Variants in PSMC1 observed in about 807,000 individuals in gnomAD.
The protein encoded by PSMC1 is proteasome 26S subunit, ATPase 1.
PSMC1 carries 5 observed loss-of-function variants against 49.8 expected under a neutral mutation model. The ratio of observed to expected loss-of-function variants is 0.10; its 90% confidence interval spans 0.05 to 0.21. The LOEUF (loss-of-function observed/expected upper bound fraction) is 0.21. PSMC1 is among the 10% of genes least tolerant of loss of function. The pLI, the probability that PSMC1 is intolerant of heterozygous loss-of-function variation, is 1.00. For synonymous variants in PSMC1, 155 were observed against 192.1 expected, an observed-to-expected ratio of 0.81 and a Z score of 1.60; for missense variants, 181 against 535.7, an observed-to-expected ratio of 0.34 and a Z score of 6.54.
At chr14:90,268,529 G>GGAAGGCCACGCACA in intron 8 of PSMC1, 116 bp downstream of exon 8, 5 of 984,494 alleles carry the variant, frequency 5.1e-6, no homozygotes, top group Non-Finnish European at 6.2e-6. Flanking sequence ...TGCTGTGCGT[G>GGAAGGCCACGCACA]GCCTTCCATG....
chr14:90,258,113 A>G (rs1319337731), intron 1 of PSMC1, among the ~76,000 whole-genome samples: 3 of 152,120 alleles, frequency 2.0e-5, no homozygotes, highest in African/African-American at 7.2e-5. Context: ...CATTCAGCAA[A>G]CCTGAATGTG....
At chr14:90,257,209 T>TTTGTTGTTG (rs34393448) in intron 1 of PSMC1, among the ~76,000 whole-genome samples, 4 of 151,644 alleles carry the variant, frequency 2.6e-5, no homozygotes, top group South Asian at 2.1e-4. Context: ...CACTTGGTGT[T>TTTGTTGTTG]TTGTTGTTGT....
intron 7 of PSMC1, among the ~76,000 whole-genome samples, chr14:90,266,280 C>T (rs565036013): frequency 6.6e-6 from 1 of 152,134 alleles, no homozygotes; most frequent in Non-Finnish European, 1.5e-5. Context: ...AAAACCCACC[C>T]TATTCTGCAG....
rs1491397403 is a variant in PSMC1 at position 90,274,838 on chromosome 14, A to ACACACACCCCCCCC, written c.*2432_*2433insACACACCCCCCCCC. On this transcript the variant is annotated 3_prime_UTR_variant, in exon 11 of 11. Coordinates refer to ENST00000261303, the MANE Select transcript of PSMC1 (RefSeq NM_002802.3). The stretch of plus-strand genomic sequence containing the variant: ...CACACACACACACACACACACACAC[A>ACACACACCCCCCCC]CCCCAATACATATGAATTGATCTGA... 8 of 67,182 alleles carry ACACACACCCCCCCC rather than the reference A, an allele frequency of 1.2e-4. No homozygotes were observed. Among genetic ancestry groups the ACACACACCCCCCCC allele is most frequent in the East Asian group, 3.4e-4 (1 of 2,966 alleles). The allele number at this position is 67,182 out of a possible 1,614,324, so 4.2% of individuals were successfully genotyped here. A position where few individuals can be genotyped will look rare whatever the true frequency, so the allele number is the denominator to read the frequency against.
chr14:90,270,718 C>T (rs573399430), intron 10 of PSMC1: 6 of 173,086 alleles, frequency 3.5e-5, no homozygotes, highest in African/African-American at 7.1e-5. Context: ...ACCAAGCACC[C>T]GCTGCATTCA....
chr14:90,268,379 T>C lies in PSMC1; in HGVS notation c.847T>C (p.Phe283Leu). 6.2e-7 allele frequency: 1 copy of C among 1,612,816 alleles called. No individual in the cohort carries two copies. The highest frequency in any genetic ancestry group is 8.5e-7 in the Non-Finnish European group (1 of 1,179,628). ...VAEEHAPSIV[F>L]IDEIDAIGTK... ...TGAAGAACATGCACCGTCCATCGTG[T>C]TTATTGATGAAATTGACGCCATTGG... is the stretch of plus-strand genomic sequence containing the variant. The change falls in exon 8 of 11, where the codon TTT becomes CTT. Residue 283 changes from phenylalanine to leucine, a missense_variant. Phe to Leu is a conservative substitution (Grantham distance 22). Coordinates refer to ENST00000261303, the MANE Select transcript of PSMC1 (RefSeq NM_002802.3).
intron 7 of PSMC1, among the ~76,000 whole-genome samples, chr14:90,266,516 G>T (rs1231771206): frequency 1.3e-5 from 2 of 152,208 alleles, no homozygotes; most frequent in African/African-American, 4.8e-5. Flanking sequence ...GTTTCAGAAT[G>T]GCCGGTGACT....
chr14:90,264,946 G>T (rs1325576803), intron 6 of PSMC1, 124 bp from the exon 7 acceptor site: 3 of 744,092 alleles, frequency 4.0e-6, no homozygotes, highest in African/African-American at 3.5e-5. Context: ...CAAGCACATT[G>T]TCTCTAAGAA....
chr14:90,257,314 A>G (rs1391065128), intron 1 of PSMC1, among the ~76,000 whole-genome samples: 1 of 152,150 alleles, frequency 6.6e-6, no homozygotes, highest in Non-Finnish European at 1.5e-5. Context: ...AAGGCAGACA[A>G]TCATCAGAAA....
intron 4 of PSMC1, 56 bp from the exon 5 acceptor site, chr14:90,263,606 G>A: frequency 6.4e-7 from 1 of 1,573,746 alleles, no homozygotes. Flanking sequence ...CGAACTATCA[G>A]GATCATCTAC....
At chr14:90,260,498 G>A (rs1183065864) in intron 3 of PSMC1, among the ~76,000 whole-genome samples, 2 of 152,170 alleles carry the variant, frequency 1.3e-5, no homozygotes, top group African/African-American at 2.4e-5. Flanking sequence ...TTGGGAGGCC[G>A]AGGCGGGCGG....
At chr14:90,267,206 T>A (rs1294126611) in intron 7 of PSMC1, among the ~76,000 whole-genome samples, 1 of 151,826 alleles carries the variant, frequency 6.6e-6, no homozygotes, top group African/African-American at 2.4e-5. Context: ...CTTGGCTCAC[T>A]GCAATCTCCG....
rs1891783037 is a variant in PSMC1, at chr14:90,275,419, A to G, written c.*3012A>G. 1 of 152,148 alleles carries G rather than the reference A, an allele frequency of 6.6e-6. No homozygotes were observed. Among genetic ancestry groups the G allele is most frequent in the African/African-American group, 2.4e-5 (1 of 41,432 alleles). 9.4% of individuals were successfully genotyped at this position (152,148 alleles called of 1,614,324 possible). On this transcript the variant is annotated 3_prime_UTR_variant, in exon 11 of 11. Coordinates refer to ENST00000261303, the MANE Select transcript of PSMC1 (RefSeq NM_002802.3). ...TCCTAAGTTTGAGATTAAAAAAAAC[A>G]AAAAACCCCAGCACATCAGTATTGC...
intron 2 of PSMC1, among the ~76,000 whole-genome samples, chr14:90,259,633 TTA>T (rs1891358467): frequency 3.2e-5 from 1 of 31,740 alleles, no homozygotes; most frequent in Non-Finnish European, 9.2e-5. Context: ...TTTTCATTTG[TTA>T]TTATTATTAT....
Position 90,273,501 on chromosome 14 carries a change from T to A in PSMC1, c.*1094T>A, listed in dbSNP as rs1595048548. 1 of 152,324 alleles carries A rather than the reference T, an allele frequency of 6.6e-6. No individual in the cohort carries two copies. The highest frequency in any genetic ancestry group is 6.5e-5 in the Admixed American group (1 of 15,300). The allele number at this position is 152,324 out of a possible 1,614,324, so 9.4% of individuals were successfully genotyped here. On this transcript the variant is annotated 3_prime_UTR_variant, in exon 11 of 11. Transcript: ENST00000261303. ...TGAACCCAGGAGGCGGAGGTTGCAG[T>A]GAGCCAAGATCCCGTCACTGCACTC... is the stretch of plus-strand genomic sequence containing the variant.
At position 90,268,334 on chromosome 14, in the gene PSMC1, C is replaced by A. The variant is rs1206778186; in HGVS notation, c.802C>A (p.Arg268=). 2 of 1,613,054 alleles carry A rather than the reference C, an allele frequency of 1.2e-6. No homozygotes were observed. The highest frequency in any genetic ancestry group is 1.7e-6 in the Non-Finnish European group (2 of 1,179,120). The part of the protein sequence containing the change: ...KYLGDGPKLV[R]ELFRVAEEHA... ...CCTAGGTGATGGGCCCAAACTCGTA[C>A]GGGAATTGTTCCGAGTTGCTGAAGA... Residue 268 remains arginine (R), a synonymous_variant, in exon 8 of 11, where the codon CGG becomes AGG. Transcript: ENST00000261303.
Position 90,268,420 on chromosome 14 carries a change from T to C in PSMC1, c.881+7T>C. 1.9e-6 allele frequency: 3 copies of C among 1,613,686 alleles called. No homozygotes were observed. The highest frequency in any genetic ancestry group is 1.7e-6 in the Non-Finnish European group (2 of 1,179,724). On this transcript the variant is annotated splice_region_variant and intron_variant, in intron 8 of 10. Transcript: ENST00000261303. ...ACGCCATTGGGACAAAAAGGTAGAC[T>C]TTCTCATACTTATTTTGCCTTGTTT...
chr14:90,264,149 A>G lies in PSMC1; in HGVS notation c.574A>G (p.Asn192Asp). 6.2e-7 allele frequency: 1 copy of G among 1,611,776 alleles called. No individual in the cohort carries two copies. Among genetic ancestry groups the G allele is most frequent in the South Asian group, 1.1e-5 (1 of 90,744 alleles). ...CTATGCAGATATTGGGGGGTTGGAC[A>G]ACCAAATTCAGGAAATTAAGGTATG... is the stretch of plus-strand genomic sequence containing the variant. Reference protein sequence around the residue: ...ETYADIGGLDNQIQEIKESVE... With the variant: ...ETYADIGGLDDQIQEIKESVE... The change falls in exon 6 of 11, where the codon AAC becomes GAC. Residue 192 changes from asparagine (N) to aspartate (D), a missense_variant. By Grantham distance (23) the Asn-to-Asp change is conservative. This residue lies in a region of PSMC1 where 121 missense variants were observed against 358.6 expected (regional missense o/e 0.34). Transcript: ENST00000261303.
intron 3 of PSMC1, among the ~76,000 whole-genome samples, chr14:90,261,999 G>A (rs1026197017): frequency 6.6e-6 from 1 of 152,014 alleles, no homozygotes; most frequent in Middle Eastern, 3.4e-3. Context: ...GTCCTTTGTA[G>A]GGACATGGAT....
Sources: gnomAD v4.1 joint callset for allele counts (sites outside exome capture counted in the v4.1 genomes callset) on GRCh38, gnomAD v4.1.1 for gene constraint, gnomAD v4.1.1 regional missense constraint, MANE v1.5 for transcripts, NCBI Gene and HGNC (gene_info 2026-07-23, HGNC 2026-07-21) for gene names.